IRF2BPL: variants seen among roughly 807,000 people sequenced by gnomAD.
The protein encoded by IRF2BPL is interferon regulatory factor 2 binding protein like.
IRF2BPL carries 13 observed loss-of-function variants against 51.2 expected under a neutral mutation model. That is an observed-to-expected ratio of 0.25 (90% confidence interval 0.17 to 0.40). The LOEUF (loss-of-function observed/expected upper bound fraction) is 0.40, where lower values mean the gene tolerates loss of function less well. IRF2BPL is among the 10% of genes least tolerant of loss of function. The pLI is 1.00. For missense variants in IRF2BPL, 1,210 were observed against 1,111.8 expected (o/e 1.09, Z -1.26); for synonymous variants, 768 against 509.2 (o/e 1.51, Z -6.84).
Position 77,027,262 on chromosome 14 carries a change from C to T in IRF2BPL, c.531G>A (p.Pro177=), listed in dbSNP as rs372608089. 7.4e-5 allele frequency: 117 copies of T among 1,582,850 alleles called. No individual in the cohort carries two copies. The Middle Eastern group carries it at 9.4e-4, about 13-fold the overall frequency. Residue 177 remains proline (P), a synonymous_variant, in exon 1 of 1, where the codon CCG becomes CCA. Coordinates refer to ENST00000238647, the MANE Select transcript of IRF2BPL (RefSeq NM_024496.4). ...TGTGGCTGCTGCTTCCCAGGCTCAC[C>T]GGCGGTGGCGGGTACTCGAAGCGGC... ...QRSRFEYPPP[P]VSLGSSSHTA...
chr14:77,027,082 C>T lies in IRF2BPL; in HGVS notation c.711G>A (p.Thr237=). 6.2e-7 allele frequency: 1 copy of T among 1,606,148 alleles called. No homozygotes were observed. The highest frequency in any genetic ancestry group is 1.1e-5 in the South Asian group (1 of 90,236). The change falls in exon 1 of 1, where the codon ACG becomes ACA. Residue 237 remains threonine, a synonymous_variant. Coordinates refer to ENST00000238647, the MANE Select transcript of IRF2BPL (RefSeq NM_024496.4). The part of the protein sequence containing the change: ...SRRGTHGGLV[T]GLPNPGGGGG... Reference sequence around the variant, plus strand: ...CGCCACCCCCCGGGTTGGGCAGCCCCGTAACCAGCCCACCGTGCGTTCCAC... The same window carrying T: ...CGCCACCCCCCGGGTTGGGCAGCCCTGTAACCAGCCCACCGTGCGTTCCAC...
chr14:77,026,177 G>A lies in IRF2BPL; in HGVS notation c.1616C>T (p.Ala539Val). 7.0e-7 allele frequency: 1 copy of A among 1,430,114 alleles called. No homozygotes were observed. The highest frequency in any genetic ancestry group is 2.8e-5 in the East Asian group (1 of 35,272). The allele number at this position is 1,430,114 out of a possible 1,614,324, so 88.6% of individuals were successfully genotyped here. Reference sequence around the variant, plus strand: ...AGAGGCCTTTCTCTTGCGCAGGCTGGCGGCTGCGCCCCGGCCCGACGGCGC... The same window carrying A: ...AGAGGCCTTTCTCTTGCGCAGGCTGACGGCTGCGCCCCGGCCCGACGGCGC... ...PAAPSGRGAAASLRKRKASPE... is the reference protein window; with the variant it reads ...PAAPSGRGAAVSLRKRKASPE... The change falls in exon 1 of 1, where the codon GCC (alanine) becomes GTC (valine). Residue 539 changes from alanine (A) to valine (V), a missense_variant. Coordinates refer to ENST00000238647, the MANE Select transcript of IRF2BPL (RefSeq NM_024496.4).
Position 77,027,498 on chromosome 14 carries a change from C to CCCGGGGG in IRF2BPL, c.294_295insCCCCCGG (p.Ala99ProfsTer36). 1.5e-6 allele frequency: 1 copy of CCCGGGGG among 672,850 alleles called. No individual in the cohort carries two copies. The highest frequency in any genetic ancestry group is 1.9e-6 in the Non-Finnish European group (1 of 537,260). 41.7% of individuals were successfully genotyped at this position (672,850 alleles called of 1,614,324 possible). ...TGCTGTTGCTGTTGCGCGGCGGCGG[C>CCCGGGGG]GGCGGCCGCCGCTGCTGCCGCCGCC... On this transcript the variant is annotated frameshift_variant, in exon 1 of 1. Transcript: ENST00000238647. LOFTEE classifies it high-confidence loss of function.
Position 77,027,415 on chromosome 14 carries a change from T to G in IRF2BPL, c.378A>C (p.Gln126His). Residue 126 changes from glutamine to histidine, a missense_variant, in exon 1 of 1, where the codon CAA becomes CAC. Coordinates refer to ENST00000238647, the MANE Select transcript of IRF2BPL (RefSeq NM_024496.4). ...TGGAACCATCAACGTGGTTGAGCTGTTGTTGCTGCTGCTGCTGCTGCTGCT... is the reference window on the plus strand; with the variant it reads ...TGGAACCATCAACGTGGTTGAGCTGGTGTTGCTGCTGCTGCTGCTGCTGCT... ...QQQQQQQQQQQQLNHVDGSSK... is the reference protein window; with the variant it reads ...QQQQQQQQQQHQLNHVDGSSK... The G allele has an allele frequency of 7.0e-7, 1 of 1,424,584 alleles. No individual in the cohort carries two copies. The highest frequency in any genetic ancestry group is 9.1e-7 in the Non-Finnish European group (1 of 1,093,074). 88.2% of individuals were successfully genotyped at this position (1,424,584 alleles called of 1,614,324 possible).
At position 77,027,451 on chromosome 14, in the gene IRF2BPL, TTGCTGCTGC is replaced by T. The variant is rs756469687; in HGVS notation, c.333_341del (p.Gln125_Gln127del). 3.9e-6 allele frequency: 3 copies of T among 769,464 alleles called. No individual in the cohort carries two copies. The highest frequency in any genetic ancestry group is 3.9e-5 in the South Asian group (1 of 25,946). 47.7% of individuals were successfully genotyped at this position (769,464 alleles called of 1,614,324 possible). On this transcript the variant is annotated inframe_deletion, in exon 1 of 1. Coordinates refer to ENST00000238647, the MANE Select transcript of IRF2BPL (RefSeq NM_024496.4). The stretch of plus-strand genomic sequence containing the variant: ...GCTGCTGCTGCTGCTGCTGCTGCTG[TTGCTGCTGC>T]TGCTGCTGCTGTTGCTGTTGCTGTT...
At position 77,025,254 on chromosome 14, in the gene IRF2BPL, T is replaced by C. The variant is rs1885076600; in HGVS notation, c.*148A>G. 6 of 520,286 alleles carry C rather than the reference T, an allele frequency of 1.2e-5. No homozygotes were observed. The highest frequency in any genetic ancestry group is 6.7e-5 in the South Asian group (2 of 29,894). The allele number at this position is 520,286 out of a possible 1,614,324, so 32.2% of individuals were successfully genotyped here. On this transcript the variant is annotated 3_prime_UTR_variant, in exon 1 of 1. Coordinates refer to ENST00000238647, the MANE Select transcript of IRF2BPL (RefSeq NM_024496.4). ...AAACATACGACGAAAATAATGTCTA[T>C]ACATAAGACTAACTTTTTGCAGTTT...
In IRF2BPL at chr14:77,026,928, G is replaced by A. The variant is rs758099592; in HGVS notation, c.865C>T (p.Pro289Ser). 2 of 1,475,372 alleles carry A rather than the reference G, an allele frequency of 1.4e-6. No homozygotes were observed. The highest frequency in any genetic ancestry group is 5.3e-5 in the Admixed American group (2 of 37,882). The allele number at this position is 1,475,372 out of a possible 1,614,324, so 91.4% of individuals were successfully genotyped here. A position where few individuals can be genotyped will look rare whatever the true frequency, so the allele number is the denominator to read the frequency against. ...GCGGGGCCCCCAGGAGCCCCTGGGG[G>A]AGCAGGCGTCGGGGGCCCACGGCTG... ...LGSRGPPTPAPPGAPGGPACL... is the reference protein window; with the variant it reads ...LGSRGPPTPASPGAPGGPACL... The change falls in exon 1 of 1, where the codon CCC (proline) becomes TCC (serine). Residue 289 changes from proline to serine, a missense_variant. By Grantham distance (74) the Pro-to-Ser change is moderately conservative. Coordinates refer to ENST00000238647, the MANE Select transcript of IRF2BPL (RefSeq NM_024496.4).
In IRF2BPL at chr14:77,025,856, A is replaced by G; in HGVS notation, c.1937T>C (p.Val646Ala). 6.2e-7 allele frequency: 1 copy of G among 1,612,670 alleles called. No individual in the cohort carries two copies. Reference sequence around the variant, plus strand: ...CCGCGCCGACGCAGTGGTAGAGTGCACGGAACTGCCATCCTTGGGCGAGTG... The same window carrying G: ...CCGCGCCGACGCAGTGGTAGAGTGCGCGGAACTGCCATCCTTGGGCGAGTG... ...TAHSPKDGSS[V>A]HSTTASARRN... Residue 646 changes from valine (V) to alanine (A), a missense_variant, in exon 1 of 1, where the codon GTG becomes GCG. Val to Ala is a moderately conservative substitution (Grantham distance 64). Transcript: ENST00000238647.
chr14:77,026,369 C>T lies in IRF2BPL; in HGVS notation c.1424G>A (p.Gly475Glu). Residue 475 changes from glycine to glutamate, a missense_variant, in exon 1 of 1, where the codon GGA becomes GAA. Gly to Glu is a moderately conservative substitution (Grantham distance 98). Coordinates refer to ENST00000238647, the MANE Select transcript of IRF2BPL (RefSeq NM_024496.4). Reference protein sequence around the residue: ...KHGSGDWRLLGDLLPEAVRFF... With the variant: ...KHGSGDWRLLEDLLPEAVRFF... The stretch of plus-strand genomic sequence containing the variant: ...GCGCACGGCTTCGGGGAGCAGGTCT[C>T]CAAGCAGGCGCCAGTCCCCGGAGCC... The T allele has an allele frequency of 6.2e-7, 1 of 1,611,848 alleles. No individual in the cohort carries two copies. The highest frequency in any genetic ancestry group is 8.5e-7 in the Non-Finnish European group (1 of 1,179,448).
Position 77,027,131 on chromosome 14 carries a change from G to C in IRF2BPL, c.662C>G (p.Ala221Gly). ...ACGCCGAGACGCCACCGACGCCGCCGCTGAAGAAGAATTGGGGCTCTGACG... is the reference window on the plus strand; with the variant it reads ...ACGCCGAGACGCCACCGACGCCGCCCCTGAAGAAGAATTGGGGCTCTGACG... ...LNRQSPNSSS[A>G]AASVASRRGT... Residue 221 changes from alanine (A) to glycine (G), a missense_variant, in exon 1 of 1, where the codon GCG (alanine) becomes GGG (glycine). Ala to Gly is a moderately conservative substitution (Grantham distance 60). Transcript: ENST00000238647. 2 of 1,612,756 alleles carry C rather than the reference G, an allele frequency of 1.2e-6. No individual in the cohort carries two copies. Among genetic ancestry groups the C allele is most frequent in the Non-Finnish European group, 1.7e-6 (2 of 1,179,604 alleles).
rs759231012 is a variant in IRF2BPL at position 77,026,683 on chromosome 14, G to A, written c.1110C>T (p.Ser370=). The A allele has an allele frequency of 2.9e-5, 46 of 1,612,808 alleles. No homozygotes were observed. In the East Asian group the frequency reaches 3.8e-4, roughly 13 times the overall value. ...GCGTGTCGCGGACCATCTTGGGCTTGCTGGCCCACTCCTCGGCGCGGTTGC... is the reference window on the plus strand; with the variant it reads ...GCGTGTCGCGGACCATCTTGGGCTTACTGGCCCACTCCTCGGCGCGGTTGC... ...SLRNRAEEWA[S]KPKMVRDTLL... is the part of the protein sequence containing the mutation. Residue 370 remains serine, a synonymous_variant, in exon 1 of 1, where the codon AGC becomes AGT. Coordinates refer to ENST00000238647, the MANE Select transcript of IRF2BPL (RefSeq NM_024496.4).
chr14:77,026,554 C>T lies in IRF2BPL; in HGVS notation c.1239G>A (p.Met413Ile), dbSNP rs1270878571. The change falls in exon 1 of 1, where the codon ATG (methionine) becomes ATA (isoleucine). Residue 413 changes from methionine (M) to isoleucine (I), a missense_variant. Coordinates refer to ENST00000238647, the MANE Select transcript of IRF2BPL (RefSeq NM_024496.4). Reference protein sequence around the residue: ...FAFDAVSKPGMDYELKLFIEY... With the variant: ...FAFDAVSKPGIDYELKLFIEY... Reference sequence around the variant, plus strand: ...CAATGAACAGCTTCAATTCGTAGTCCATGCCGGGCTTGGAGACGGCGTCGA... The same window carrying T: ...CAATGAACAGCTTCAATTCGTAGTCTATGCCGGGCTTGGAGACGGCGTCGA... The T allele has an allele frequency of 5.0e-6, 8 of 1,613,852 alleles. No homozygotes were observed. The highest frequency in any genetic ancestry group is 5.9e-6 in the Non-Finnish European group (7 of 1,180,026).
Position 77,026,813 on chromosome 14 carries a change from GCACCC to G in IRF2BPL, c.975_979del (p.Gly326TrpfsTer3). On this transcript the variant is annotated frameshift_variant, in exon 1 of 1. Transcript: ENST00000238647. LOFTEE classifies it high-confidence loss of function. ...CACCGAGCCGGGCCTCTTACCACCA[GCACCC>G]ACGCCCACCTCTGCCACCGACGAAG... is the stretch of plus-strand genomic sequence containing the variant. 6.2e-7 allele frequency: 1 copy of G among 1,612,624 alleles called. No individual in the cohort carries two copies. The highest frequency in any genetic ancestry group is 2.2e-5 in the East Asian group (1 of 44,862).
rs554195069 is a variant in IRF2BPL at position 77,024,914 on chromosome 14, A to ATTTTTT, written c.*482_*487dup. Reference sequence around the variant, plus strand: ...AAGGAAGCTTTCACCATTTTATAGCATTTTTTTTTTTTTTTTTTTTTTTTT... The same window carrying ATTTTTT: ...AAGGAAGCTTTCACCATTTTATAGCATTTTTTTTTTTTTTTTTTTTTTTTTTTTTTT... On this transcript the variant is annotated 3_prime_UTR_variant, in exon 1 of 1. Coordinates refer to ENST00000238647, the MANE Select transcript of IRF2BPL (RefSeq NM_024496.4). 4 of 23,016 alleles carry ATTTTTT rather than the reference A, an allele frequency of 1.7e-4. 1 individual carries two copies. The highest frequency in any genetic ancestry group is 6.9e-4 in the African/African-American group (4 of 5,796). The allele number at this position is 23,016 out of a possible 1,614,324, so 1.4% of individuals were successfully genotyped here.
At position 77,025,369 on chromosome 14, in the gene IRF2BPL, GGTCTA is replaced by G. The variant is rs761841386; in HGVS notation, c.*28_*32del. 1.1e-5 allele frequency: 16 copies of G among 1,473,822 alleles called. No individual in the cohort carries two copies. In the African/African-American group the frequency reaches 2.1e-4, roughly 20 times the overall value. 91.3% of individuals were successfully genotyped at this position (1,473,822 alleles called of 1,614,324 possible). On this transcript the variant is annotated 3_prime_UTR_variant, in exon 1 of 1. Coordinates refer to ENST00000238647, the MANE Select transcript of IRF2BPL (RefSeq NM_024496.4). ...GGGCCCTCAGGATTGGAGAGGAGCT[GGTCTA>G]GGGCAAAGGAGGTGGCTGCCCAGTG...
Position 77,025,711 on chromosome 14 carries a change from C to A in IRF2BPL, c.2082G>T (p.Met694Ile), listed in dbSNP as rs562042713. The A allele has an allele frequency of 1.4e-5, 22 of 1,569,662 alleles. No homozygotes were observed. In the South Asian group the frequency reaches 2.0e-4, roughly 15 times the overall value. The change falls in exon 1 of 1, where the codon ATG becomes ATT. Residue 694 changes from methionine (M) to isoleucine (I), a missense_variant. Transcript: ENST00000238647. ...GAATGTTTTGGGGGTGCACTTGGTC[C>A]ATGCCCGGGTGGGCGCTAGGCGGCG... Reference protein sequence around the residue: ...APPPPSAHPGMDQVHPQNIPD... With the variant: ...APPPPSAHPGIDQVHPQNIPD...
In IRF2BPL at chr14:77,026,238, T is replaced by C. The variant is rs1885112588; in HGVS notation, c.1555A>G (p.Ser519Gly). Residue 519 changes from serine (S) to glycine (G), a missense_variant, in exon 1 of 1, where the codon AGC becomes GGC. Transcript: ENST00000238647. The stretch of plus-strand genomic sequence containing the variant: ...AAGGCCCCGGTCCCCGGGGGTGCGC[T>C]GGGGGCGCGGCTCAGACTCACCAGA... ...TALVSLSRAP[S>G]APPGTGALPP... is the part of the protein sequence containing the mutation. 5 of 1,428,276 alleles carry C rather than the reference T, an allele frequency of 3.5e-6. No homozygotes were observed. Among genetic ancestry groups the C allele is most frequent in the African/African-American group, 2.9e-5 (2 of 67,866 alleles). The allele number at this position is 1,428,276 out of a possible 1,614,324, so 88.5% of individuals were successfully genotyped here. A position where few individuals can be genotyped will look rare whatever the true frequency, so the allele number is the denominator to read the frequency against.
Position 77,026,820 on chromosome 14 carries a change from C to A in IRF2BPL, c.973G>T (p.Val325Leu). The A allele has an allele frequency of 6.2e-7, 1 of 1,612,312 alleles. No individual in the cohort carries two copies. Among genetic ancestry groups the A allele is most frequent in the Non-Finnish European group, 8.5e-7 (1 of 1,179,558 alleles). Residue 325 changes from valine to leucine, a missense_variant, in exon 1 of 1, where the codon GTG becomes TTG. Coordinates refer to ENST00000238647, the MANE Select transcript of IRF2BPL (RefSeq NM_024496.4). ...STSSSVAEVG[V>L]GAGGKRPGSV... ...CCGGGCCTCTTACCACCAGCACCCA[C>A]GCCCACCTCTGCCACCGACGAAGAG...
In IRF2BPL at chr14:77,027,301, C is replaced by CGCA. The variant is rs772565832; in HGVS notation, c.489_491dup (p.Ala164dup). 25 of 1,525,346 alleles carry CGCA rather than the reference C, an allele frequency of 1.6e-5. No homozygotes were observed. The highest frequency in any genetic ancestry group is 1.6e-4 in the African/African-American group (11 of 70,406). The allele number at this position is 1,525,346 out of a possible 1,614,324, so 94.5% of individuals were successfully genotyped here. ...ACTCGAAGCGGCTGCGCTGTTCCAC[C>CGCA]GCAGCGGCGGCGGCGGCGGCGGCGG... On this transcript the variant is annotated inframe_insertion, in exon 1 of 1. Transcript: ENST00000238647.
Sources: gnomAD v4.1 joint callset for allele counts on GRCh38, gnomAD v4.1.1 for gene constraint, MANE v1.5 for transcripts, NCBI Gene and HGNC (gene_info 2026-07-23, HGNC 2026-07-21) for gene names.